The following BTBD9 variants were observed in gnomAD, a reference collection of about 807,000 sequenced individuals.
BTBD9 encodes BTB domain containing 9.
Under a neutral mutation model 64.3 loss-of-function variants are expected in BTBD9, and 49 were observed. The observed-to-expected ratio is 0.76, with a 90% CI of 0.61 to 0.97. The LOEUF (loss-of-function observed/expected upper bound fraction) is 0.97, where lower values mean the gene tolerates loss of function less well. Among genes scored for constraint, BTBD9 ranks in the 50% least tolerant of loss-of-function variants. The probability of loss-of-function intolerance (pLI) is 0.00; values close to 1 mark genes in which losing one functional copy is unlikely to be tolerated. For missense variants in BTBD9, 598 were observed against 762.1 expected, an observed-to-expected ratio of 0.78 and a Z score of 2.53; for synonymous variants, 260 against 274.7, an observed-to-expected ratio of 0.95 and a Z score of 0.53.
At chr6:38,238,011 G>A (rs763961033) in intron 9 of BTBD9, among the ~76,000 whole-genome samples, 1 of 152,184 alleles carries the variant, frequency 6.6e-6, no homozygotes, top group Non-Finnish European at 1.5e-5. Flanking sequence ...GCATGGTGGT[G>A]GCATGTGCCT....
At chr6:38,493,067 G>A (rs374897929) in intron 6 of BTBD9, among the ~76,000 whole-genome samples, 1 of 152,202 alleles carries the variant, frequency 6.6e-6, no homozygotes, top group East Asian at 1.9e-4. Context: ...AATTCCATGA[G>A]TTTTAAAATA....
chr6:38,382,187 A>G (rs923635821), intron 6 of BTBD9, among the ~76,000 whole-genome samples: 1 of 152,180 alleles, frequency 6.6e-6, no homozygotes, highest in African/African-American at 2.4e-5. Context: ...TATCTCCCAC[A>G]ACACCTTAGA....
At chr6:38,421,172 G>A (rs954415639) in intron 6 of BTBD9, among the ~76,000 whole-genome samples, 1 of 152,008 alleles carries the variant, frequency 6.6e-6, no homozygotes, top group African/African-American at 2.4e-5. Flanking sequence ...GGCCAACATG[G>A]CAAAACCCCA....
chr6:38,356,102 T>C (rs79348037), intron 6 of BTBD9, among the ~76,000 whole-genome samples: 1 of 151,978 alleles, frequency 6.6e-6, no homozygotes, highest in Non-Finnish European at 1.5e-5. Flanking sequence ...TCTTTTTTTT[T>C]AAAAAACCAT....
chr6:38,606,528 C>T (rs1056177959), intron 1 of BTBD9, among the ~76,000 whole-genome samples: 1 of 151,978 alleles, frequency 6.6e-6, no homozygotes, highest in Admixed American at 6.6e-5. Flanking sequence ...TTGAAACATA[C>T]AATATAATTA....
At chr6:38,541,403 G>A (rs1380734449) in intron 6 of BTBD9, among the ~76,000 whole-genome samples, 5 of 152,084 alleles carry the variant, frequency 3.3e-5, no homozygotes, top group Admixed American at 3.3e-4. Context: ...CAAACAGGAG[G>A]GAATTTTATA....
chr6:38,335,171 T>C (rs1763844556), intron 7 of BTBD9, among the ~76,000 whole-genome samples: 2 of 152,338 alleles, frequency 1.3e-5, no homozygotes, highest in South Asian at 4.1e-4. Flanking sequence ...TCCCCAGCCA[T>C]GCACAACTGT....
chr6:38,509,650 A>G (rs1193317444), intron 6 of BTBD9, among the ~76,000 whole-genome samples: 1 of 152,232 alleles, frequency 6.6e-6, no homozygotes, highest in Non-Finnish European at 1.5e-5. Context: ...AATATAAAAA[A>G]AAGGCATAGA....
chr6:38,423,359 C>T (rs769587122), intron 6 of BTBD9, among the ~76,000 whole-genome samples: 15 of 152,056 alleles, frequency 9.9e-5, no homozygotes, highest in Admixed American at 8.5e-4. Flanking sequence ...GGCTGGAGTA[C>T]AGTGGCACGA....
intron 6 of BTBD9, among the ~76,000 whole-genome samples, chr6:38,506,271 A>G (rs1452949913): frequency 6.6e-6 from 1 of 152,232 alleles, no homozygotes; most frequent in Non-Finnish European, 1.5e-5. Flanking sequence ...CACCTAACTT[A>G]CCAAACATCA....
intron 8 of BTBD9, among the ~76,000 whole-genome samples, chr6:38,272,040 A>G (rs1765215030): frequency 6.6e-6 from 1 of 152,070 alleles, no homozygotes; most frequent in Non-Finnish European, 1.5e-5. Context: ...TCCATTCCCA[A>G]ACCCTCGTTA....
chr6:38,543,625 T>C (rs1774390782), intron 6 of BTBD9, among the ~76,000 whole-genome samples: 1 of 152,146 alleles, frequency 6.6e-6, no homozygotes, highest in South Asian at 2.1e-4. Flanking sequence ...TCAAAAAATA[T>C]ACATTGCACC....
chr6:38,577,647 A>G lies in BTBD9; in HGVS notation c.1107T>C (p.Tyr369=), dbSNP rs748798578. ...ATAATTTCTGCCAAGAACGACACAG[A>G]TATTGTGAATGATCTATCACTCTGA... ...DWVRVIDHSQ[Y]LCRSWQKLYF... is the part of the protein sequence containing the mutation. Residue 369 remains tyrosine (Y), a synonymous_variant, in exon 6 of 11, where the codon TAT becomes TAC. Coordinates refer to ENST00000481247, the MANE Select transcript of BTBD9 (RefSeq NM_001099272.2). The G allele has an allele frequency of 6.2e-7, 1 of 1,610,984 alleles. No homozygotes were observed.
rs117079654 is a variant in BTBD9 at position 38,269,960 on chromosome 6, C to T, written c.1455-13444G>A. On this transcript the variant is annotated intron_variant, in intron 8 of 10. Coordinates refer to ENST00000481247, the MANE Select transcript of BTBD9 (RefSeq NM_001099272.2). ...TTCCAGGCAAGCTACCAGGGTAAAC[C>T]GTACAGAAACCAGGCTTTCCGGTGA... Among the ~76,000 whole-genome samples the T allele has an allele frequency of 1.5e-3, 221 of 152,228 alleles. 4 individuals carry two copies. The East Asian group carries it at 0.031, about 21-fold the overall frequency.
At chr6:38,573,362 A>G (rs897671314) in intron 6 of BTBD9, among the ~76,000 whole-genome samples, 1 of 152,172 alleles carries the variant, frequency 6.6e-6, no homozygotes, top group African/African-American at 2.4e-5. Flanking sequence ...TTCCATTTTG[A>G]TAATTTTTTA....
intron 6 of BTBD9, among the ~76,000 whole-genome samples, chr6:38,484,205 G>A (rs970853763): frequency 6.6e-6 from 1 of 152,176 alleles, no homozygotes; most frequent in Non-Finnish European, 1.5e-5. Context: ...CTAGTGCACA[G>A]GGAAATCAGA....
Position 38,598,005 on chromosome 6 carries a change from C to A in BTBD9, c.90G>T (p.Leu30Phe). Residue 30 changes from leucine to phenylalanine, a missense_variant, in exon 2 of 11, where the codon TTG becomes TTT. Physicochemically the swap from Leu to Phe is conservative, Grantham distance 22. Transcript: ENST00000481247. ...TGACGTCGCCATATTCTTCCCCAAT[C>A]AACAAGGCACCAATATGTTCAGACA... ...HILSEHIGAL[L>F]IGEEYGDVTF... 1 of 1,613,984 alleles carries A rather than the reference C, an allele frequency of 6.2e-7. No individual in the cohort carries two copies. The highest frequency in any genetic ancestry group is 8.5e-7 in the Non-Finnish European group (1 of 1,179,886).
intron 6 of BTBD9, among the ~76,000 whole-genome samples, chr6:38,504,170 G>A (rs899739305): frequency 2.6e-5 from 4 of 152,110 alleles, no homozygotes; most frequent in African/African-American, 9.7e-5. Flanking sequence ...ATGATCTCAA[G>A]TATCCATCTT....
intron 1 of BTBD9, among the ~76,000 whole-genome samples, chr6:38,626,574 G>T (rs1778175613): frequency 6.6e-6 from 1 of 152,174 alleles, no homozygotes; most frequent in Non-Finnish European, 1.5e-5. Flanking sequence ...AAGAGAAGCT[G>T]CCTGGGCATC....
Sources: gnomAD v4.1 joint callset for allele counts (sites outside exome capture counted in the v4.1 genomes callset) on GRCh38, gnomAD v4.1.1 for gene constraint, MANE v1.5 for transcripts, NCBI Gene and HGNC (gene_info 2026-07-23, HGNC 2026-07-21) for gene names.